Variants in PRSS3 observed in about 807,000 individuals in gnomAD.
PRSS3 encodes trypsin-3.
A neutral mutation model predicts 20.8 loss-of-function variants in PRSS3; 14 were observed. The observed-to-expected ratio is 0.67, with a 90% CI of 0.44 to 1.05. PRSS3 has a LOEUF of 1.05. PRSS3 is among the 50% of genes least tolerant of loss of function. The pLI, the probability that PRSS3 is intolerant of heterozygous loss-of-function variation, is 0.00. For synonymous variants in PRSS3, 91 were observed against 117.6 expected, an observed-to-expected ratio of 0.77 and a Z score of 1.46; for missense variants, 237 against 306.4, an observed-to-expected ratio of 0.77 and a Z score of 1.69.
intron 1 of PRSS3, among the ~76,000 whole-genome samples, chr9:33,766,180 G>A (rs1311259230): frequency 6.9e-6 from 1 of 144,316 alleles, no homozygotes; most frequent in East Asian, 2.1e-4. Context: ...CAGGAGAATC[G>A]CTTGAACCCG....
chr9:33,770,426 A>G lies in PRSS3; in HGVS notation c.-53+19699A>G, dbSNP rs572372615. 3.9e-5 allele frequency among the ~76,000 whole-genome samples: 6 copies of G among 152,274 alleles called. No individual in the cohort carries two copies. In the South Asian group the frequency reaches 1.2e-3, roughly 32 times the overall value. ...CTTACAGTTGATGCTGGTCTGGGTT[A>G]AGACTTCTGGCACTGTTGGGATGGG... On this transcript the variant is annotated intron_variant, in intron 1 of 5. Transcript: ENST00000342836.
intron 1 of PRSS3, among the ~76,000 whole-genome samples, chr9:33,773,557 C>G (rs966015607): frequency 6.6e-6 from 1 of 152,188 alleles, no homozygotes; most frequent in Non-Finnish European, 1.5e-5. Flanking sequence ...ACACTCCCAT[C>G]ATATCTCATG....
At chr9:33,782,018 C>T (rs931950349) in intron 1 of PRSS3, among the ~76,000 whole-genome samples, 2 of 152,220 alleles carry the variant, frequency 1.3e-5, no homozygotes, top group African/African-American at 4.8e-5. Flanking sequence ...ATTGCCAGCT[C>T]AGGATCCTCC....
intron 1 of PRSS3, among the ~76,000 whole-genome samples, chr9:33,775,700 GTTTT>G (rs34447292): frequency 1.6e-5 from 2 of 128,674 alleles, no homozygotes; most frequent in African/African-American, 2.9e-5. Context: ...TGGGCTTGAA[GTTTT>G]TTTTTTTTTT....
At chr9:33,767,595 G>C (rs1326591840) in intron 1 of PRSS3, among the ~76,000 whole-genome samples, 1 of 151,120 alleles carries the variant, frequency 6.6e-6, no homozygotes, top group African/African-American at 2.4e-5. Context: ...AGGCCAAGGC[G>C]GGTGGATCAC....
intron 1 of PRSS3, among the ~76,000 whole-genome samples, chr9:33,775,700 G>GTTTTT (rs34447292): frequency 3.1e-5 from 4 of 128,674 alleles, no homozygotes; most frequent in African/African-American, 2.9e-5. Context: ...TGGGCTTGAA[G>GTTTTT]TTTTTTTTTT....
chr9:33,752,479 T>C (rs1248119125), intron 1 of PRSS3, among the ~76,000 whole-genome samples: 2 of 152,244 alleles, frequency 1.3e-5, no homozygotes, highest in African/African-American at 4.8e-5. Context: ...AGAATTAAAG[T>C]CACTAGTGTG....
rs1197533938 is a variant in PRSS3, at chr9:33,780,171, A to T, written c.-52-14575A>T. ...AAAATTCTAAAGGCAGCTAGAGTGA[A>T]GGGTCAAGTCACATACAGAGGAAAC... On this transcript the variant is annotated intron_variant, in intron 1 of 5. Transcript: ENST00000342836. Among the ~76,000 whole-genome samples the T allele has an allele frequency of 2.6e-5, 4 of 152,148 alleles. No homozygotes were observed. In the East Asian group the frequency reaches 7.7e-4, roughly 29 times the overall value.
chr9:33,780,692 CAA>C (rs551872538), intron 1 of PRSS3, among the ~76,000 whole-genome samples: 5 of 152,032 alleles, frequency 3.3e-5, no homozygotes, highest in Non-Finnish European at 7.4e-5. Context: ...AGGCTCAAAA[CAA>C]AGAGAGGGGA....
chr9:33,777,623 G>C (rs1823994501), intron 1 of PRSS3, among the ~76,000 whole-genome samples: 1 of 150,542 alleles, frequency 6.6e-6, no homozygotes, highest in African/African-American at 2.4e-5. Context: ...CAGGAAAATG[G>C]CGTGAACCCG....
At chr9:33,779,867 TAAAAAAAAAAAAAAAAAA>T (rs35501160) in intron 1 of PRSS3, among the ~76,000 whole-genome samples, 2 of 31,822 alleles carry the variant, frequency 6.3e-5, no homozygotes, top group African/African-American at 1.6e-4. Flanking sequence ...AGACTCTGTC[TAAAAAAAAAAAAAAAAAA>T]AAAAAAAAAA....
At chr9:33,793,388 C>T (rs1050810947), upstream of PRSS3, among the ~76,000 whole-genome samples, 1 of 152,164 alleles carries the variant, frequency 6.6e-6, no homozygotes, top group African/African-American at 2.4e-5. Context: ...TGTTTAGGGG[C>T]AACACAGGAA....
chr9:33,796,639 C>A lies in PRSS3; in HGVS notation c.41-4C>A. On this transcript the variant is annotated splice_region_variant and splice_polypyrimidine_tract_variant and intron_variant, in intron 1 of 4. Transcript: ENST00000379405. ...TGCCTTCTCCCTTCCTATTTCCACT[C>A]CAGTTGCTGTCCCCTTTGACGATGA... is the stretch of plus-strand genomic sequence containing the variant. 2 of 1,613,972 alleles carry A rather than the reference C, an allele frequency of 1.2e-6. No individual in the cohort carries two copies. Among genetic ancestry groups the A allele is most frequent in the Non-Finnish European group, 1.7e-6 (2 of 1,179,828 alleles).
intron 1 of PRSS3, among the ~76,000 whole-genome samples, chr9:33,756,782 C>T (rs1403870711): frequency 2.0e-5 from 3 of 152,180 alleles, no homozygotes; most frequent in African/African-American, 7.2e-5. Flanking sequence ...AGAATATTAA[C>T]TCAGTACTTT....
chr9:33,779,621 C>A (rs908461483), intron 1 of PRSS3, among the ~76,000 whole-genome samples: 2 of 152,116 alleles, frequency 1.3e-5, no homozygotes, highest in Non-Finnish European at 2.9e-5. Flanking sequence ...GTAATCCCAG[C>A]AGTCTGGGAG....
intron 1 of PRSS3, among the ~76,000 whole-genome samples, chr9:33,754,065 T>C (rs924496110): frequency 6.6e-6 from 1 of 152,134 alleles, no homozygotes; most frequent in Non-Finnish European, 1.5e-5. Context: ...TCTTCTTTTC[T>C]TTTCTTTTCT....
Position 33,795,623 on chromosome 9 carries a change from A to C in PRSS3, c.40+10A>C. 6.2e-7 allele frequency: 1 copy of C among 1,614,096 alleles called. No individual in the cohort carries two copies. The highest frequency in any genetic ancestry group is 8.5e-7 in the Non-Finnish European group (1 of 1,179,972). On this transcript the variant is annotated intron_variant, in intron 1 of 4. Transcript: ENST00000379405. Reference sequence around the variant, plus strand: ...TTTGTGGGAGCTGCTGGCGAGTTTCATGACCTGCCTCAGGCCCCACCCACC... The same window carrying C: ...TTTGTGGGAGCTGCTGGCGAGTTTCCTGACCTGCCTCAGGCCCCACCCACC...
intron 1 of PRSS3, among the ~76,000 whole-genome samples, chr9:33,760,663 G>A (rs542742604): frequency 2.0e-5 from 3 of 148,490 alleles, no homozygotes; most frequent in Admixed American, 7.0e-5. Flanking sequence ...AGAGAATGCC[G>A]TGAACCCAGA....
chr9:33,796,154 G>T (rs143171452), intron 1 of PRSS3, among the ~76,000 whole-genome samples: 3 of 152,198 alleles, frequency 2.0e-5, no homozygotes, highest in African/African-American at 7.2e-5. Flanking sequence ...ATGCCAAAGT[G>T]AGCCTGGGGC....
Sources: gnomAD v4.1 joint callset for allele counts (sites outside exome capture counted in the v4.1 genomes callset) on GRCh38, gnomAD v4.1.1 for gene constraint, MANE v1.5 for transcripts, NCBI Gene and HGNC (gene_info 2026-07-23, HGNC 2026-07-21) for gene names.